Variants in MAPK10 observed in about 807,000 individuals in gnomAD.
The protein encoded by MAPK10 is JNK3 alpha protein kinase.
A neutral mutation model predicts 59.3 loss-of-function variants in MAPK10; 25 were observed. The ratio of observed to expected loss-of-function variants is 0.42; its 90% CI spans 0.31 to 0.59. The LOEUF (loss-of-function observed/expected upper bound fraction) is 0.59. MAPK10 is among the 20% of genes least tolerant of loss of function. The probability of loss-of-function intolerance (pLI) is 0.15; values close to 1 mark genes in which losing one functional copy is unlikely to be tolerated. For synonymous variants in MAPK10, 190 were observed against 200.5 expected, an observed-to-expected ratio of 0.95 and a Z score of 0.44; for missense variants, 351 against 568.9, an observed-to-expected ratio of 0.62 and a Z score of 3.90.
chr4:86,234,443 A>G (rs2091991427), intron 2 of MAPK10, among the ~76,000 whole-genome samples: 1 of 152,056 alleles, frequency 6.6e-6, no homozygotes, highest in South Asian at 2.1e-4. Context: ...TTTCTGTTCT[A>G]TTTCCTTATT....
At chr4:86,438,925 A>G (rs990597040) in intron 1 of MAPK10, among the ~76,000 whole-genome samples, 3 of 152,162 alleles carry the variant, frequency 2.0e-5, no homozygotes, top group Admixed American at 6.5e-5. Flanking sequence ...TAGTATCCCA[A>G]CTAGTCACTA....
chr4:86,176,484 C>T (rs1367752268), intron 3 of MAPK10, among the ~76,000 whole-genome samples: 2 of 152,006 alleles, frequency 1.3e-5, no homozygotes, highest in Non-Finnish European at 2.9e-5. Flanking sequence ...AAAATCTGAC[C>T]TTTTTGTGCT....
At chr4:86,448,503 A>C (rs1750321045) in intron 1 of MAPK10, among the ~76,000 whole-genome samples, 1 of 152,090 alleles carries the variant, frequency 6.6e-6, no homozygotes, top group African/African-American at 2.4e-5. Flanking sequence ...CCATTTGTCA[A>C]AGTATTCTTT....
chr4:86,380,306 G>A (rs1231160797), intron 1 of MAPK10, among the ~76,000 whole-genome samples: 1 of 152,126 alleles, frequency 6.6e-6, no homozygotes, highest in Non-Finnish European at 1.5e-5. Flanking sequence ...TTGGACTATG[G>A]TCTCCAGGTT....
chr4:86,299,512 C>T (rs1488385845), intron 2 of MAPK10, among the ~76,000 whole-genome samples: 1 of 152,134 alleles, frequency 6.6e-6, no homozygotes, highest in East Asian at 1.9e-4. Flanking sequence ...CGAGACCGCA[C>T]CAGAGGTGGA....
intron 2 of MAPK10, among the ~76,000 whole-genome samples, chr4:86,344,721 G>T (rs1258736548): frequency 3.3e-5 from 5 of 152,056 alleles, no homozygotes; most frequent in African/African-American, 1.2e-4. Flanking sequence ...ACAGTAATCT[G>T]CCCATTGAAA....
At chr4:86,487,059 A>C (rs932130901) in intron 1 of MAPK10, among the ~76,000 whole-genome samples, 2 of 152,134 alleles carry the variant, frequency 1.3e-5, no homozygotes, top group Non-Finnish European at 2.9e-5. Context: ...AAGCTAAGGA[A>C]ATCTTCCAGA....
At chr4:86,071,989 GC>G (rs1229983596) in intron 9 of MAPK10, among the ~76,000 whole-genome samples, 3 of 129,518 alleles carry the variant, frequency 2.3e-5, no homozygotes, top group African/African-American at 9.8e-5. Flanking sequence ...GGGCAGTATG[GC>G]CATTTTCACG....
In MAPK10 at chr4:86,215,734, C is replaced by T. The variant is rs192202058; in HGVS notation, c.-6-21327G>A. Among the ~76,000 whole-genome samples the T allele has an allele frequency of 1.6e-3, 236 of 152,118 alleles. 1 individual carries two copies. Among genetic ancestry groups the T allele is most frequent in the African/African-American group, 5.0e-3 (206 of 41,506 alleles). ...AAAATTAGCCGGGCGTTGTGGTGCTCACCTGTAGTCCCAGCTACTCAGGAG... is the reference window on the plus strand; with the variant it reads ...AAAATTAGCCGGGCGTTGTGGTGCTTACCTGTAGTCCCAGCTACTCAGGAG... On this transcript the variant is annotated intron_variant, in intron 2 of 13. Transcript: ENST00000641462.
intron 2 of MAPK10, among the ~76,000 whole-genome samples, chr4:86,215,307 G>A (rs79676183): frequency 0.085 from 12,922 of 152,116 alleles, 1,217 homozygotes; most frequent in African/African-American, 0.23. Flanking sequence ...CAATCAAACT[G>A]TTATAAGACA....
chr4:86,032,650 C>T (rs1397077247), intron 11 of MAPK10: 3 of 152,144 alleles, frequency 2.0e-5, no homozygotes, highest in Non-Finnish European at 4.4e-5. Context: ...ACAGCACCCT[C>T]GGGCTAAAGT....
intron 2 of MAPK10, among the ~76,000 whole-genome samples, chr4:86,295,092 A>C (rs1220349314): frequency 6.6e-6 from 1 of 152,226 alleles, no homozygotes; most frequent in East Asian, 1.9e-4. Flanking sequence ...GCATAAAATC[A>C]GATTTGAAAA....
At chr4:86,563,661 G>A (rs1760842105) in intron 1 of MAPK10, among the ~76,000 whole-genome samples, 1 of 152,032 alleles carries the variant, frequency 6.6e-6, no homozygotes, top group Non-Finnish European at 1.5e-5. Flanking sequence ...CATATATATA[G>A]TATGTTTTTT....
chr4:86,400,502 A>G (rs1036940211), intron 1 of MAPK10, among the ~76,000 whole-genome samples: 25 of 151,776 alleles, frequency 1.6e-4, no homozygotes, highest in African/African-American at 6.1e-4. Context: ...TGGAATGGTA[A>G]GTTACCAGAA....
At chr4:86,337,940 T>C (rs1168787133) in intron 2 of MAPK10, among the ~76,000 whole-genome samples, 2 of 152,224 alleles carry the variant, frequency 1.3e-5, no homozygotes. Flanking sequence ...TCCAATCCTA[T>C]CCATCTACTT....
chr4:86,350,767 G>A (rs1730914353), intron 2 of MAPK10, among the ~76,000 whole-genome samples: 1 of 152,168 alleles, frequency 6.6e-6, no homozygotes, highest in Non-Finnish European at 1.5e-5. Context: ...AACAAGTCTG[G>A]TGGCTTCACT....
At chr4:86,031,307 T>C in intron 12 of MAPK10, 61 bp downstream of exon 12, 1 of 1,179,732 alleles carries the variant, frequency 8.5e-7, no homozygotes, top group South Asian at 1.3e-5. Context: ...AGGAAAAGCC[T>C]TGTTGATACT....
intron 11 of MAPK10, among the ~76,000 whole-genome samples, chr4:86,034,097 G>T (rs563652822): frequency 9.2e-5 from 14 of 152,184 alleles, no homozygotes; most frequent in Non-Finnish European, 1.9e-4. Context: ...TGCCCCAGAG[G>T]TGTCTGTTGA....
At chr4:86,122,369 G>A (rs1001837355) in intron 4 of MAPK10, among the ~76,000 whole-genome samples, 9 of 152,076 alleles carry the variant, frequency 5.9e-5, no homozygotes, top group African/African-American at 2.2e-4. Flanking sequence ...AAAAACTGTT[G>A]CCATGACATT....
Sources: gnomAD v4.1 joint callset for allele counts (sites outside exome capture counted in the v4.1 genomes callset) on GRCh38, gnomAD v4.1.1 for gene constraint, MANE v1.5 for transcripts, NCBI Gene and HGNC (gene_info 2026-07-23, HGNC 2026-07-21) for gene names.